KCNIP4: variants seen among roughly 807,000 people sequenced by gnomAD.
KCNIP4 encodes the protein potassium voltage-gated channel interacting protein 4.
In KCNIP4, 12 loss-of-function variants were observed where a neutral mutation model predicts 34.0. That is an observed-to-expected ratio of 0.35 (90% CI 0.23 to 0.57). KCNIP4 has a LOEUF of 0.57. Among genes scored for constraint, KCNIP4 ranks in the 20% least tolerant of loss-of-function variants. KCNIP4 has a pLI of 0.83. For synonymous variants in KCNIP4, 124 were observed against 102.2 expected (o/e 1.21, Z -1.29); for missense variants, 238 against 311.7 (o/e 0.76, Z 1.78).
intron 1 of KCNIP4, among the ~76,000 whole-genome samples, chr4:21,862,597 G>T (rs184920595): frequency 3.3e-5 from 5 of 152,188 alleles, no homozygotes; most frequent in Non-Finnish European, 5.9e-5. Flanking sequence ...TTAAGTAAGG[G>T]AAGGGCTGTA....
At chr4:21,046,872 C>T (rs113618220) in intron 1 of KCNIP4, among the ~76,000 whole-genome samples, 19,539 of 152,208 alleles carry the variant, frequency 0.13, 1,508 homozygotes, top group African/African-American at 0.21. Context: ...GGATTACAGG[C>T]GTCAGCCACC....
chr4:21,632,771 G>T (rs1184678572), intron 1 of KCNIP4, among the ~76,000 whole-genome samples: 1 of 152,082 alleles, frequency 6.6e-6, no homozygotes, highest in Non-Finnish European at 1.5e-5. Context: ...CCACAAGAAG[G>T]GTATCTGGAG....
chr4:21,899,618 A>G (rs1372205944), intron 1 of KCNIP4, among the ~76,000 whole-genome samples: 4 of 152,118 alleles, frequency 2.6e-5, no homozygotes, highest in Admixed American at 6.6e-5. Context: ...AACCAGAAAA[A>G]TCACTAGCAT....
chr4:20,969,556 TTGTGTGTGTGTG>T (rs113668496), intron 1 of KCNIP4, among the ~76,000 whole-genome samples: 1 of 149,596 alleles, frequency 6.7e-6, no homozygotes, highest in Non-Finnish European at 1.5e-5. Flanking sequence ...GCGTGTGTGT[TTGTGTGTGTGTG>T]TGTGTGTGTG....
intron 1 of KCNIP4, among the ~76,000 whole-genome samples, chr4:21,808,751 G>C (rs1459999810): frequency 6.6e-6 from 1 of 152,100 alleles, no homozygotes; most frequent in Non-Finnish European, 1.5e-5. Flanking sequence ...ATTCTCTCCA[G>C]GTTTATTCTC....
At chr4:20,985,518 A>C (rs1736488783) in intron 1 of KCNIP4, among the ~76,000 whole-genome samples, 1 of 152,164 alleles carries the variant, frequency 6.6e-6, no homozygotes, top group Non-Finnish European at 1.5e-5. Context: ...TGACTTGCCA[A>C]GCAGTGGGCA....
chr4:21,897,190 T>A (rs1472285946), intron 1 of KCNIP4, among the ~76,000 whole-genome samples: 1 of 152,102 alleles, frequency 6.6e-6, no homozygotes, highest in East Asian at 1.9e-4. Context: ...AAGATATTTA[T>A]AATCCTCAAG....
chr4:21,855,827 C>G (rs998901022), intron 1 of KCNIP4: 4 of 152,290 alleles, frequency 2.6e-5, no homozygotes. Context: ...TTCCCTCCAT[C>G]TTCCACACAC....
chr4:21,369,305 A>G (rs957967761), intron 1 of KCNIP4, among the ~76,000 whole-genome samples: 10 of 147,376 alleles, frequency 6.8e-5, no homozygotes, highest in Non-Finnish European at 1.2e-4. Context: ...TATGTTCTGA[A>G]GATATAAAGA....
intron 1 of KCNIP4, among the ~76,000 whole-genome samples, chr4:21,028,813 T>C (rs568303043): frequency 6.6e-6 from 1 of 152,284 alleles, no homozygotes; most frequent in Non-Finnish European, 1.5e-5. Context: ...AAACTCACCA[T>C]GTCTAAGTTG....
intron 3 of KCNIP4, among the ~76,000 whole-genome samples, chr4:20,816,383 A>T (rs1716391592): frequency 6.6e-6 from 1 of 152,138 alleles, no homozygotes; most frequent in African/African-American, 2.4e-5. Flanking sequence ...TCTTCTTCAG[A>T]GATGTGGCTG....
At chr4:20,876,827 C>T (rs956674579) in intron 2 of KCNIP4, among the ~76,000 whole-genome samples, 1 of 152,150 alleles carries the variant, frequency 6.6e-6, no homozygotes, top group African/African-American at 2.4e-5. Flanking sequence ...CCACCTCGGC[C>T]TCCCAAAGTG....
chr4:21,594,779 C>A (rs541815452), intron 1 of KCNIP4, among the ~76,000 whole-genome samples: 3 of 151,630 alleles, frequency 2.0e-5, no homozygotes, highest in Non-Finnish European at 4.4e-5. Context: ...AAGAACAAAC[C>A]ACATTTCTTA....
At chr4:21,762,701 T>A (rs1718141260) in intron 1 of KCNIP4, among the ~76,000 whole-genome samples, 1 of 152,150 alleles carries the variant, frequency 6.6e-6, no homozygotes, top group Non-Finnish European at 1.5e-5. Context: ...AAAGATGGCA[T>A]CTACAAGACA....
At chr4:20,926,768 C>T (rs764794942) in intron 1 of KCNIP4, among the ~76,000 whole-genome samples, 1 of 152,160 alleles carries the variant, frequency 6.6e-6, no homozygotes, top group Non-Finnish European at 1.5e-5. Flanking sequence ...CTGGACATTA[C>T]TGAATTTAGA....
chr4:21,419,895 A>C (rs1725306903), intron 1 of KCNIP4, among the ~76,000 whole-genome samples: 1 of 152,176 alleles, frequency 6.6e-6, no homozygotes, highest in Non-Finnish European at 1.5e-5. Flanking sequence ...GCAGAGACTA[A>C]TGAAGAATTA....
At chr4:20,938,264 C>A (rs4697199) in intron 1 of KCNIP4, among the ~76,000 whole-genome samples, 1 of 150,860 alleles carries the variant, frequency 6.6e-6, no homozygotes, top group East Asian at 2.0e-4. Flanking sequence ...TCAGGAGAAG[C>A]CAAGGCAAAG....
In KCNIP4 at chr4:21,292,759, A is replaced by G. The variant is rs113308557; in HGVS notation, c.62-410050T>C. ...AATATCTCTCAACTTCCCATTATGG[A>G]TACACCAATATCTAAGCCTATATTC... On this transcript the variant is annotated intron_variant, in intron 1 of 8. Coordinates refer to ENST00000382152, the MANE Select transcript of KCNIP4 (RefSeq NM_025221.6). Among the ~76,000 whole-genome samples, 549 of 152,294 alleles carry G rather than the reference A, an allele frequency of 3.6e-3. 5 individuals are homozygous for G. The highest frequency in any genetic ancestry group is 0.013 in the African/African-American group (524 of 41,562).
intron 1 of KCNIP4, among the ~76,000 whole-genome samples, chr4:21,297,038 G>T (rs932527500): frequency 2.0e-5 from 3 of 151,462 alleles, no homozygotes; most frequent in Non-Finnish European, 4.4e-5. Flanking sequence ...ATGTGTGTGT[G>T]CGTGTGTTTG....
Sources: gnomAD v4.1 joint callset for allele counts (sites outside exome capture counted in the v4.1 genomes callset) on GRCh38, gnomAD v4.1.1 for gene constraint, MANE v1.5 for transcripts, NCBI Gene and HGNC (gene_info 2026-07-23, HGNC 2026-07-21) for gene names.